The following COCH variants were observed in gnomAD, a reference collection of about 807,000 sequenced individuals.
COCH encodes coagulation factor C homolog, cochlin (Limulus polyphemus).
A neutral mutation model predicts 54.8 loss-of-function variants in COCH; 40 were observed. That is an observed-to-expected ratio of 0.73 (90% confidence interval 0.57 to 0.95). The LOEUF (loss-of-function observed/expected upper bound fraction) is 0.95, where lower values mean the gene tolerates loss of function less well. Ranked by LOEUF, COCH falls within the 40% of genes least tolerant of loss-of-function variation. The pLI, the probability that COCH is intolerant of heterozygous loss-of-function variation, is 0.00. For synonymous variants in COCH, 256 were observed against 237.9 expected, an observed-to-expected ratio of 1.08 and a Z score of -0.70; for missense variants, 605 against 675.0, an observed-to-expected ratio of 0.90 and a Z score of 1.15.
downstream of COCH, among the ~76,000 whole-genome samples, chr14:30,891,056 TAAA>T (rs1228175255): frequency 6.8e-6 from 1 of 146,320 alleles, no homozygotes; most frequent in Non-Finnish European, 1.5e-5. Context: ...AAAAAAAAAA[TAAA>T]AAGACACAAG....
In COCH at chr14:30,878,810, G is replaced by T; in HGVS notation, c.240-1G>T. Reference sequence around the variant, plus strand: ...TCTCAGCTGCTATTCTTGTGTTACAGGGGAGTAATCAGCAACTCAGGGGGA... The same window carrying T: ...TCTCAGCTGCTATTCTTGTGTTACATGGGAGTAATCAGCAACTCAGGGGGA... On this transcript the variant is annotated splice_acceptor_variant, in intron 4 of 11. Transcript: ENST00000396618. LOFTEE classifies it high-confidence loss of function. The T allele has an allele frequency of 6.2e-7, 1 of 1,614,156 alleles. No individual in the cohort carries two copies. The highest frequency in any genetic ancestry group is 8.5e-7 in the Non-Finnish European group (1 of 1,180,024).
chr14:30,885,778 A>C lies in COCH; in HGVS notation c.961-18A>C. The stretch of plus-strand genomic sequence containing the variant: ...CTTTTGATCCTTTTGGATATCTTTT[A>C]TGTGTCTCCCCCATTAGGCTGTCTG... On this transcript the variant is annotated intron_variant, in intron 10 of 11. Coordinates refer to ENST00000396618, the MANE Select transcript of COCH (RefSeq NM_004086.3). 6.2e-7 allele frequency: 1 copy of C among 1,613,472 alleles called. No homozygotes were observed. Among genetic ancestry groups the C allele is most frequent in the Non-Finnish European group, 8.5e-7 (1 of 1,179,616 alleles).
chr14:30,880,416 T>C (rs1895530807), intron 6 of COCH, 36 bp from the exon 7 acceptor site: 4 of 1,611,782 alleles, frequency 2.5e-6, no homozygotes, highest in Non-Finnish European at 3.4e-6. Flanking sequence ...GTAACTGTCT[T>C]CCTTTTGTTA....
In COCH at chr14:30,886,275, T is replaced by C; in HGVS notation, c.1440T>C (p.Asp480=). 6.2e-7 allele frequency: 1 copy of C among 1,614,172 alleles called. No homozygotes were observed. Among genetic ancestry groups the C allele is most frequent in the Non-Finnish European group, 8.5e-7 (1 of 1,180,020 alleles). Residue 480 remains aspartate (D), a synonymous_variant, in exon 11 of 12, where the codon GAT becomes GAC. Coordinates refer to ENST00000396618, the MANE Select transcript of COCH (RefSeq NM_004086.3). ...TTGTCACAGATGGGCAGTCCTATGA[T>C]GATGTCCAAGGCCCTGCAGCTGCTG... is the stretch of plus-strand genomic sequence containing the variant. ...LVIVTDGQSY[D]DVQGPAAAAH...
At chr14:30,886,829 T>G (rs765180863) in intron 11 of COCH, among the ~76,000 whole-genome samples, 3 of 152,220 alleles carry the variant, frequency 2.0e-5, no homozygotes, top group Non-Finnish European at 4.4e-5. Flanking sequence ...GCAATCCTCC[T>G]GTGTCAGCCT....
At chr14:30,888,669 T>A (rs1594389280) in intron 11 of COCH, among the ~76,000 whole-genome samples, 1 of 151,850 alleles carries the variant, frequency 6.6e-6, no homozygotes, top group Non-Finnish European at 1.5e-5. Context: ...GCGCTTGTAG[T>A]CCCAGCTATT....
chr14:30,875,039 C>A lies in COCH; in HGVS notation c.35-17C>A. On this transcript the variant is annotated splice_polypyrimidine_tract_variant and intron_variant, in intron 2 of 11. Transcript: ENST00000396618. Reference sequence around the variant, plus strand: ...GGGTGGAGGCTGGAGCCAGCCCTCACGCTTCTCTCTTCGCAGGTGTGTGTC... The same window carrying A: ...GGGTGGAGGCTGGAGCCAGCCCTCAAGCTTCTCTCTTCGCAGGTGTGTGTC... The A allele has an allele frequency of 1.2e-6, 2 of 1,612,306 alleles. No homozygotes were observed. The highest frequency in any genetic ancestry group is 8.5e-7 in the Non-Finnish European group (1 of 1,179,688).
At chr14:30,893,149 ATTTT>A (rs754080275), downstream of COCH, among the ~76,000 whole-genome samples, 9 of 91,240 alleles carry the variant, frequency 9.9e-5, no homozygotes, top group African/African-American at 2.8e-4. Flanking sequence ...AAAAACCACA[ATTTT>A]TTTTTTTTTT....
downstream of COCH, chr14:30,895,313 A>T: frequency 7.8e-7 from 1 of 1,280,052 alleles, no homozygotes; most frequent in Non-Finnish European, 1.0e-6. Context: ...CACCAGGCAG[A>T]TCACATGTAG....
chr14:30,880,336 T>A, intron 6 of COCH, 116 bp from the exon 7 acceptor site: 1 of 1,483,004 alleles, frequency 6.7e-7, no homozygotes, highest in Non-Finnish European at 9.1e-7. Flanking sequence ...AAATTAATTT[T>A]TTTAAAAAAG....
At chr14:30,884,493 A>C in intron 8 of COCH, 60 bp from the exon 9 acceptor site, 2 of 1,156,108 alleles carry the variant, frequency 1.7e-6, no homozygotes, top group Non-Finnish European at 2.6e-6. Context: ...TAAGGCATGT[A>C]ATGTTGCTTA....
At chr14:30,886,390 CATTT>C in intron 11 of COCH, 78 bp downstream of exon 11, 1 of 1,454,604 alleles carries the variant, frequency 6.9e-7, no homozygotes, top group Non-Finnish European at 9.5e-7. Flanking sequence ...AAAATTTAAG[CATTT>C]ATTTCATTAA....
At chr14:30,879,981 C>T (rs1895514736) in intron 6 of COCH, among the ~76,000 whole-genome samples, 2 of 152,060 alleles carry the variant, frequency 1.3e-5, no homozygotes, top group South Asian at 4.1e-4. Context: ...CTCTAAAAGT[C>T]CTATTTTCTC....
downstream of COCH, chr14:30,895,539 T>A (rs1461871582): frequency 6.2e-7 from 1 of 1,614,130 alleles, no homozygotes; most frequent in South Asian, 1.1e-5. Flanking sequence ...TGCACACATG[T>A]CTTGCTGTCT....
downstream of COCH, chr14:30,894,790 G>T: frequency 3.6e-6 from 1 of 281,644 alleles, no homozygotes; most frequent in South Asian, 4.2e-5. Flanking sequence ...CTTGAGCACT[G>T]TTGTGACAGG....
intron 7 of COCH, 35 bp downstream of exon 7, chr14:30,880,531 T>A (rs1346099207): frequency 5.6e-6 from 9 of 1,613,998 alleles, no homozygotes; most frequent in Non-Finnish European, 7.6e-6. Flanking sequence ...GAAGGTAGCA[T>A]TTTCCCTCCC....
chr14:30,886,363 G>C, intron 11 of COCH, 51 bp downstream of exon 11: 1 of 1,585,652 alleles, frequency 6.3e-7, no homozygotes. Context: ...ACGGTTCAGT[G>C]AATTTAGGAG....
chr14:30,887,992 C>T (rs146828747), intron 11 of COCH, among the ~76,000 whole-genome samples: 5 of 152,130 alleles, frequency 3.3e-5, no homozygotes, highest in African/African-American at 9.6e-5. Flanking sequence ...AATATTGATT[C>T]GTGAAAATTA....
At position 30,889,362 on chromosome 14, in the gene COCH, TTTC is replaced by T. The variant is rs1438833088; in HGVS notation, c.1478-251_1478-249del. On this transcript the variant is annotated intron_variant, in intron 11 of 11. Transcript: ENST00000396618. ...ATGGATATTGAACTTTATCAAATTA[TTTC>T]TTATCAGTGATGACTTACCTGTTAA... 1.9e-5 allele frequency: 9 copies of T among 465,440 alleles called. No individual in the cohort carries two copies. In the Admixed American group the frequency reaches 2.8e-4, roughly 14 times the overall value. 28.8% of individuals were successfully genotyped at this position (465,440 alleles called of 1,614,324 possible).
Sources: gnomAD v4.1 joint callset for allele counts (sites outside exome capture counted in the v4.1 genomes callset) on GRCh38, gnomAD v4.1.1 for gene constraint, MANE v1.5 for transcripts, NCBI Gene and HGNC (gene_info 2026-07-23, HGNC 2026-07-21) for gene names.